The following ANP32B variants were observed in gnomAD, a reference collection of about 807,000 sequenced individuals.
ANP32B encodes acidic leucine-rich nuclear phosphoprotein 32 family member B.
Under a neutral mutation model 32.2 loss-of-function variants are expected in ANP32B, and 6 were observed. That is an observed-to-expected ratio of 0.19 (90% confidence interval 0.10 to 0.37). ANP32B has a LOEUF of 0.37. Among genes scored for constraint, ANP32B ranks in the 10% least tolerant of loss-of-function variants. The pLI, the probability that ANP32B is intolerant of heterozygous loss-of-function variation, is 1.00. For synonymous variants in ANP32B, 98 were observed against 105.8 expected, an observed-to-expected ratio of 0.93 and a Z score of 0.45; for missense variants, 204 against 289.2, an observed-to-expected ratio of 0.71 and a Z score of 2.14.
At chr9:97,989,413 A>G (rs1308294525) in intron 1 of ANP32B, among the ~76,000 whole-genome samples, 1 of 152,150 alleles carries the variant, frequency 6.6e-6, no homozygotes, top group African/African-American at 2.4e-5. Flanking sequence ...TGTTTGAGAA[A>G]AGGCAAGTTT....
chr9:98,011,010 T>G (rs1293553582), intron 4 of ANP32B, among the ~76,000 whole-genome samples: 1 of 152,184 alleles, frequency 6.6e-6, no homozygotes, highest in African/African-American at 2.4e-5. Context: ...CTCCATATAA[T>G]TTTGAAGCAA....
chr9:97,988,234 C>T (rs1206485168), intron 1 of ANP32B, among the ~76,000 whole-genome samples: 1 of 152,094 alleles, frequency 6.6e-6, no homozygotes, highest in Non-Finnish European at 1.5e-5. Flanking sequence ...AAACATCCCT[C>T]TCAGGTTGTT....
chr9:98,003,521 T>C lies in ANP32B; in HGVS notation c.328-1443T>C, dbSNP rs191150726. ...GAGCTTATTTTACAAAAACAAGTGG[T>C]GGGCCAGAATTGGCCACTGGACCAC... On this transcript the variant is annotated intron_variant, in intron 3 of 6. Coordinates refer to ENST00000339399, the MANE Select transcript of ANP32B (RefSeq NM_006401.3). Among the ~76,000 whole-genome samples, 30 of 152,308 alleles carry C rather than the reference T, an allele frequency of 2.0e-4. 1 individual carries two copies. The East Asian group carries it at 5.8e-3, about 29-fold the overall frequency.
rs1376201716 is a variant in ANP32B at position 98,001,476 on chromosome 9, GCCA to G, written c.327+2802_327+2804del. Among the ~76,000 whole-genome samples the G allele has an allele frequency of 1.2e-4, 18 of 152,322 alleles. No homozygotes were observed. The Middle Eastern group carries it at 0.01, about 86-fold the overall frequency. On this transcript the variant is annotated intron_variant, in intron 3 of 6. Coordinates refer to ENST00000339399, the MANE Select transcript of ANP32B (RefSeq NM_006401.3). ...CAAAGCGCTGGGATTACAGGCGTGA[GCCA>G]CCATGCCTGGCCTTCTCTTTTAATT...
chr9:97,984,313 G>C lies in ANP32B; in HGVS notation c.54+704G>C, dbSNP rs1030235513. On this transcript the variant is annotated intron_variant, in intron 1 of 6. Coordinates refer to ENST00000339399, the MANE Select transcript of ANP32B (RefSeq NM_006401.3). ...GAGGCCAAGTTTGAAAAAAGGACGTGGTTCCCGCCATTTTTCAAGCCCAAA... is the reference window on the plus strand; with the variant it reads ...GAGGCCAAGTTTGAAAAAAGGACGTCGTTCCCGCCATTTTTCAAGCCCAAA... 2.6e-5 allele frequency among the ~76,000 whole-genome samples: 4 copies of C among 151,358 alleles called. No individual in the cohort carries two copies. The East Asian group carries it at 5.8e-4, about 22-fold the overall frequency.
chr9:97,996,464 T>C (rs147644214), intron 2 of ANP32B, among the ~76,000 whole-genome samples: 130 of 152,362 alleles, frequency 8.5e-4, no homozygotes, highest in African/African-American at 3.0e-3. Flanking sequence ...TTAAAAACTT[T>C]TAACATTTAA....
intron 1 of ANP32B, among the ~76,000 whole-genome samples, chr9:97,985,328 GC>G (rs1466739885): frequency 3.3e-5 from 5 of 152,096 alleles, no homozygotes; most frequent in African/African-American, 9.7e-5. Flanking sequence ...CTAACGCGGG[GC>G]GGGCCGGGCT....
intron 1 of ANP32B, among the ~76,000 whole-genome samples, chr9:97,993,307 A>G (rs1057286009): frequency 1.7e-4 from 26 of 152,220 alleles, no homozygotes; most frequent in African/African-American, 6.0e-4. Context: ...TAAGTACTCT[A>G]TAATTGATAG....
At position 97,998,962 on chromosome 9, in the gene ANP32B, T is replaced by C. The variant is rs1459422433; in HGVS notation, c.327+284T>C. ...AGCTGGGACTACAGGCGCCCGCCACTACGCCCGGCTAATTTTTTGTATTTT... is the reference window on the plus strand; with the variant it reads ...AGCTGGGACTACAGGCGCCCGCCACCACGCCCGGCTAATTTTTTGTATTTT... On this transcript the variant is annotated intron_variant, in intron 3 of 6. Transcript: ENST00000339399. Among the ~76,000 whole-genome samples, 27 of 71,094 alleles carry C rather than the reference T, an allele frequency of 3.8e-4. 6 individuals are homozygous for C. Among genetic ancestry groups the C allele is most frequent in the African/African-American group, 7.2e-4 (6 of 8,332 alleles). 46.6% of individuals were successfully genotyped at this position (71,094 alleles called of 152,430 possible).
At chr9:98,005,244 CA>C (rs1371466089) in intron 4 of ANP32B, 91 bp downstream of exon 4, 1 of 1,323,380 alleles carries the variant, frequency 7.6e-7, no homozygotes, top group African/African-American at 1.5e-5. Flanking sequence ...CAGTGGCACA[CA>C]ACCGTAATCC....
At chr9:97,991,326 G>A (rs1395003589) in intron 1 of ANP32B, among the ~76,000 whole-genome samples, 1 of 151,892 alleles carries the variant, frequency 6.6e-6, no homozygotes, top group Admixed American at 6.6e-5. Flanking sequence ...TGTTGCCCAG[G>A]TGACTCTTGG....
At chr9:98,004,017 A>G (rs1433024340) in intron 3 of ANP32B, among the ~76,000 whole-genome samples, 1 of 152,190 alleles carries the variant, frequency 6.6e-6, no homozygotes, top group African/African-American at 2.4e-5. Context: ...CCTATAGTGT[A>G]GTACCTCTGC....
At chr9:97,995,957 A>C (rs974482695) in intron 2 of ANP32B, among the ~76,000 whole-genome samples, 4 of 151,488 alleles carry the variant, frequency 2.6e-5, no homozygotes, top group Non-Finnish European at 4.4e-5. Context: ...AAAAAGTATA[A>C]TACATGAATT....
chr9:98,015,883 A>G lies in ANP32B; in HGVS notation c.*452A>G. ...TTTTTACATTAGGACATTTTATGTG[A>G]CAACTGCCAAAAAAGTATTTTTAAG... On this transcript the variant is annotated 3_prime_UTR_variant, in exon 7 of 7. Transcript: ENST00000339399. The G allele has an allele frequency of 4.1e-6, 4 of 970,906 alleles. No homozygotes were observed. The South Asian group carries it at 1.9e-4, about 46-fold the overall frequency. The allele number at this position is 970,906 out of a possible 1,614,324, so 60.1% of individuals were successfully genotyped here.
At chr9:98,007,904 G>A in intron 4 of ANP32B, among the ~76,000 whole-genome samples, 1 of 152,164 alleles carries the variant, frequency 6.6e-6, no homozygotes, top group East Asian at 1.9e-4. Context: ...TTCTAAAGGT[G>A]GATCACTGGC....
chr9:97,995,885 C>T lies in ANP32B; in HGVS notation c.204+1105C>T, dbSNP rs369739072. On this transcript the variant is annotated intron_variant, in intron 2 of 6. Transcript: ENST00000339399. Reference sequence around the variant, plus strand: ...AGGTTGTAGTGAGCCAAAATCACACCGCTGCATTCCAGCCTGGGCGACAGA... The same window carrying T: ...AGGTTGTAGTGAGCCAAAATCACACTGCTGCATTCCAGCCTGGGCGACAGA... Among the ~76,000 whole-genome samples the T allele has an allele frequency of 7.2e-4, 108 of 149,916 alleles. 2 individuals are homozygous for T. The South Asian group carries it at 0.015, about 21-fold the overall frequency.
At position 98,012,608 on chromosome 9, in the gene ANP32B, T is replaced by C. The variant is rs144126097; in HGVS notation, c.688+136T>C. The stretch of plus-strand genomic sequence containing the variant: ...TGGTTTACACATTCACATTCTCGTT[T>C]CTATCGTCCCATCAGTGTGTCTGTG... On this transcript the variant is annotated intron_variant, in intron 6 of 6. Transcript: ENST00000339399. The C allele has an allele frequency of 6.5e-4, 852 of 1,317,066 alleles. 12 individuals are homozygous for C. In the East Asian group the frequency reaches 0.017, roughly 26 times the overall value. 81.6% of individuals were successfully genotyped at this position (1,317,066 alleles called of 1,614,324 possible).
chr9:98,007,904 G>GATCACTGGCCAGT (rs1828114255), intron 4 of ANP32B, among the ~76,000 whole-genome samples: 1 of 152,164 alleles, frequency 6.6e-6, no homozygotes, highest in African/African-American at 2.4e-5. Flanking sequence ...TTCTAAAGGT[G>GATCACTGGCCAGT]GATCACTGGC....
chr9:97,999,866 A>G (rs1030446990), intron 3 of ANP32B, among the ~76,000 whole-genome samples: 1 of 152,168 alleles, frequency 6.6e-6, no homozygotes, highest in Admixed American at 6.5e-5. Context: ...GTTATTTAGC[A>G]TATAGGAGGT....
Sources: allele counts gnomAD v4.1 joint callset (sites outside exome capture counted in the v4.1 genomes callset), GRCh38; gene constraint gnomAD v4.1.1; transcripts MANE v1.5; gene names NCBI Gene and HGNC (gene_info 2026-07-23, HGNC 2026-07-21).